TBC1D19: variants seen among roughly 807,000 people sequenced by gnomAD.
TBC1D19 encodes TBC1 domain family member 19, also known as TBC1 domain family, member 19.
TBC1D19 carries 60 observed loss-of-function variants against 89.0 expected under a neutral mutation model. The observed-to-expected ratio is 0.67, with a 90% CI of 0.55 to 0.84. TBC1D19 has a LOEUF of 0.84. Among genes scored for constraint, TBC1D19 ranks in the 40% least tolerant of loss-of-function variants. The pLI is 0.00. For synonymous variants in TBC1D19, 189 were observed against 199.7 expected (o/e 0.95, Z 0.45); for missense variants, 500 against 610.8 (o/e 0.82, Z 1.91).
chr4:26,814,961 G>T, the TBC1D19 span, among the ~76,000 whole-genome samples: 1 of 151,796 alleles, frequency 6.6e-6, no homozygotes, highest in Non-Finnish European at 1.5e-5. Flanking sequence ...AGTTGAGGCT[G>T]CAGTGAGCTA....
At chr4:26,716,229 A>G (rs1013084245) in intron 13 of TBC1D19, among the ~76,000 whole-genome samples, 5 of 152,120 alleles carry the variant, frequency 3.3e-5, no homozygotes, top group African/African-American at 1.2e-4. Context: ...TGCCTGGTGC[A>G]TAGTAGGGGC....
intron 15 of TBC1D19, among the ~76,000 whole-genome samples, chr4:26,728,340 A>G (rs1717437091): frequency 6.6e-6 from 1 of 152,240 alleles, no homozygotes; most frequent in African/African-American, 2.4e-5. Context: ...TTACACTTTT[A>G]TAAGGCATCA....
the TBC1D19 span, among the ~76,000 whole-genome samples, chr4:26,766,377 C>G: frequency 1.3e-5 from 2 of 152,142 alleles, no homozygotes; most frequent in African/African-American, 4.8e-5. Flanking sequence ...CGTTTCAGCC[C>G]TAAGACAAGT....
chr4:26,594,266 C>T (rs1367537762), intron 1 of TBC1D19, among the ~76,000 whole-genome samples: 2 of 152,124 alleles, frequency 1.3e-5, no homozygotes, highest in South Asian at 2.1e-4. Flanking sequence ...TGCATGTTCT[C>T]ACTCATAGGT....
intron 15 of TBC1D19, among the ~76,000 whole-genome samples, chr4:26,734,105 C>CT (rs1180075862): frequency 1.3e-5 from 2 of 152,098 alleles, no homozygotes; most frequent in African/African-American, 2.4e-5. Context: ...TCTGTGTGAC[C>CT]TTTGTAGTCA....
intron 11 of TBC1D19, among the ~76,000 whole-genome samples, chr4:26,674,899 A>G (rs879471913): frequency 3.3e-5 from 5 of 152,058 alleles, no homozygotes; most frequent in African/African-American, 7.2e-5. Context: ...TATAAAAACT[A>G]TACCTCTAAC....
At chr4:26,847,686 T>C in the TBC1D19 span, among the ~76,000 whole-genome samples, 1 of 152,178 alleles carries the variant, frequency 6.6e-6, no homozygotes, top group East Asian at 1.9e-4. Context: ...CTCTTGCAGA[T>C]GCATCAGAAA....
the TBC1D19 span, among the ~76,000 whole-genome samples, chr4:26,814,859 A>C: frequency 1.1e-4 from 16 of 152,184 alleles, no homozygotes; most frequent in Non-Finnish European, 2.4e-4. Flanking sequence ...TCGTCTCTAC[A>C]AAATTTCAGA....
the TBC1D19 span, among the ~76,000 whole-genome samples, chr4:26,765,861 G>A: frequency 5.3e-5 from 8 of 151,990 alleles, no homozygotes; most frequent in Admixed American, 5.2e-4. Flanking sequence ...ACTTACTTCG[G>A]GCATGGGGAG....
chr4:26,854,002 C>T, the TBC1D19 span, among the ~76,000 whole-genome samples: 1 of 152,212 alleles, frequency 6.6e-6, no homozygotes, highest in African/African-American at 2.4e-5. Flanking sequence ...TCTTCTTCCT[C>T]ATTGCAAACA....
At chr4:26,622,870 A>G (rs1353800272) in intron 4 of TBC1D19, among the ~76,000 whole-genome samples, 1 of 152,106 alleles carries the variant, frequency 6.6e-6, no homozygotes, top group African/African-American at 2.4e-5. Context: ...CTATCCCCGC[A>G]CTAAATTATT....
rs772664640 is a variant in TBC1D19, at chr4:26,720,062, C to G, written c.1040-19C>G. 3 of 1,577,076 alleles carry G rather than the reference C, an allele frequency of 1.9e-6. No individual in the cohort carries two copies. The highest frequency in any genetic ancestry group is 2.6e-6 in the Non-Finnish European group (3 of 1,162,376). ...ATTTACTTAATCATATTGAAATCCT[C>G]TATGGTTTTCTCTTATAGGAAAACT... On this transcript the variant is annotated intron_variant, in intron 14 of 20. Coordinates refer to ENST00000264866, the MANE Select transcript of TBC1D19 (RefSeq NM_018317.4).
chr4:26,690,820 A>G (rs1020003758), intron 13 of TBC1D19, among the ~76,000 whole-genome samples: 1 of 152,238 alleles, frequency 6.6e-6, no homozygotes, highest in African/African-American at 2.4e-5. Flanking sequence ...TAGTAACACG[A>G]CATCCATTCT....
chr4:26,720,022 G>T lies in TBC1D19; in HGVS notation c.1040-59G>T. 6 of 1,415,798 alleles carry T rather than the reference G, an allele frequency of 4.2e-6. No homozygotes were observed. In the South Asian group the frequency reaches 5.4e-5, roughly 13 times the overall value. 87.7% of individuals were successfully genotyped at this position (1,415,798 alleles called of 1,614,324 possible). A position where few individuals can be genotyped will look rare whatever the true frequency, so the allele number is the denominator to read the frequency against. On this transcript the variant is annotated intron_variant, in intron 14 of 20. Transcript: ENST00000264866. ...TGTTAGTACATTCACAAAATAAGTT[G>T]ATTTTTAAAGATTTATTTACTTAAT...
intron 8 of TBC1D19, among the ~76,000 whole-genome samples, chr4:26,661,127 A>T (rs939457184): frequency 2.0e-5 from 3 of 152,018 alleles, no homozygotes; most frequent in Admixed American, 6.6e-5. Flanking sequence ...CACCATGCCT[A>T]CTCAGATGAC....
intron 1 of TBC1D19, among the ~76,000 whole-genome samples, chr4:26,587,019 C>G (rs1404514995): frequency 3.9e-5 from 6 of 152,132 alleles, no homozygotes; most frequent in African/African-American, 1.2e-4. Flanking sequence ...TGAGGAAGCT[C>G]TATTCTATCC....
At chr4:26,699,604 C>G (rs1479546980) in intron 13 of TBC1D19, among the ~76,000 whole-genome samples, 14 of 152,010 alleles carry the variant, frequency 9.2e-5, no homozygotes, top group East Asian at 1.9e-4. Context: ...CAAAGACTTG[C>G]AACCAACCCA....
chr4:26,827,190 T>C, the TBC1D19 span, among the ~76,000 whole-genome samples: 3 of 152,194 alleles, frequency 2.0e-5, no homozygotes, highest in Non-Finnish European at 4.4e-5. Flanking sequence ...AAGTGGCAAA[T>C]GCTTATAAAG....
the TBC1D19 span, among the ~76,000 whole-genome samples, chr4:26,828,004 A>G: frequency 6.6e-6 from 1 of 152,176 alleles, no homozygotes; most frequent in Non-Finnish European, 1.5e-5. Context: ...TTTGACAGCT[A>G]TGGGGTTAAA....
Sources: allele counts gnomAD v4.1 joint callset (sites outside exome capture counted in the v4.1 genomes callset), GRCh38; gene constraint gnomAD v4.1.1; transcripts MANE v1.5; gene names NCBI Gene and HGNC (gene_info 2026-07-23, HGNC 2026-07-21).